Variants in PMPCA observed in about 807,000 individuals in gnomAD.
PMPCA encodes the protein mitochondrial-processing peptidase subunit alpha.
PMPCA carries 47 observed loss-of-function variants against 59.3 expected under a neutral mutation model. The observed-to-expected ratio is 0.79, with a 90% CI of 0.63 to 1.01. The LOEUF (loss-of-function observed/expected upper bound fraction) is 1.01. PMPCA is among the 50% of genes least tolerant of loss of function. PMPCA has a pLI of 0.00. For missense variants in PMPCA, 726 were observed against 704.5 expected (o/e 1.03, Z -0.34); for synonymous variants, 338 against 290.3 (o/e 1.16, Z -1.67).
chr9:136,415,351 T>C (rs1388087995), intron 5 of PMPCA, among the ~76,000 whole-genome samples: 2 of 152,212 alleles, frequency 1.3e-5, no homozygotes, highest in African/African-American at 4.8e-5. Flanking sequence ...TTAGCGAAAT[T>C]GGTTCTTTGA....
intron 4 of PMPCA, among the ~76,000 whole-genome samples, chr9:136,413,120 CA>C (rs1206277963): frequency 6.6e-6 from 1 of 152,212 alleles, no homozygotes; most frequent in Non-Finnish European, 1.5e-5. Context: ...GGCTGCATGC[CA>C]GGGATGTAGA....
At chr9:136,418,365 C>T (rs1006952617) in intron 8 of PMPCA, among the ~76,000 whole-genome samples, 190 bp from the exon 9 acceptor site, 7 of 150,488 alleles carry the variant, frequency 4.7e-5, no homozygotes, top group Non-Finnish European at 7.5e-5. Flanking sequence ...GCCCTTTGTC[C>T]CTGGCATCCG....
At chr9:136,418,773 CATG>C in intron 9 of PMPCA, 52 bp from the exon 10 acceptor site, 1 of 1,526,906 alleles carries the variant, frequency 6.5e-7, no homozygotes, top group Non-Finnish European at 9.1e-7. Context: ...TCCAGTTTCC[CATG>C]GCCTGATCCT....
chr9:136,422,077 CCAT>C, intron 12 of PMPCA, 101 bp downstream of exon 12: 1 of 1,547,216 alleles, frequency 6.5e-7, no homozygotes, highest in Non-Finnish European at 8.7e-7. Context: ...TGTGGTATGT[CCAT>C]CACACCCAGA....
intron 6 of PMPCA, 47 bp from the exon 7 acceptor site, chr9:136,416,904 G>A (rs1291000015): frequency 6.4e-7 from 1 of 1,555,744 alleles, no homozygotes; most frequent in Admixed American, 1.8e-5. Context: ...GAGGAAGCCT[G>A]GTCATGCTGT....
At position 136,418,589 on chromosome 9, in the gene PMPCA, T is replaced by C. The variant is rs775076934; in HGVS notation, c.1025T>C (p.Met342Thr). The C allele has an allele frequency of 1.1e-5, 18 of 1,613,750 alleles. No individual in the cohort carries two copies. In the South Asian group the frequency reaches 1.3e-4, roughly 12 times the overall value. Residue 342 changes from methionine (M) to threonine (T), a missense_variant, in exon 9 of 13, where the codon ATG becomes ACG. Physicochemically the swap from Met to Thr is moderately conservative, Grantham distance 81. Coordinates refer to ENST00000371717, the MANE Select transcript of PMPCA (RefSeq NM_015160.3). ...EDFIPFAVLN[M>T]MMGGGGSFSA... Reference sequence around the variant, plus strand: ...TTCATCCCCTTTGCAGTGTTGAACATGATGATGGGCGGAGGTGGCTCCTTC... The same window carrying C: ...TTCATCCCCTTTGCAGTGTTGAACACGATGATGGGCGGAGGTGGCTCCTTC...
chr9:136,421,555 G>A (rs949220980), intron 11 of PMPCA, among the ~76,000 whole-genome samples: 15 of 151,972 alleles, frequency 9.9e-5, no homozygotes, highest in African/African-American at 3.4e-4. Flanking sequence ...GACTACAGGC[G>A]CCCGCCACCA....
rs771549019 is a variant in PMPCA at position 136,416,959 on chromosome 9, C to G, written c.642C>G (p.Tyr214Ter). ...TGGCTCTTCCCCATTAGGCGGCTTA[C>G]AGGGAGAACACAGTTGGCCTCCACC... ...LLTEMIHEAA[Y>*]RENTVGLHRF... is the part of the protein sequence containing the mutation. Residue 214 changes from tyrosine (Y) to a stop codon, truncating the protein, a stop_gained, in exon 7 of 13, where the codon TAC (tyrosine) becomes TAG (stop). Transcript: ENST00000371717. LOFTEE classifies it high-confidence loss of function. 6.2e-7 allele frequency: 1 copy of G among 1,609,704 alleles called. No individual in the cohort carries two copies. The highest frequency in any genetic ancestry group is 2.2e-5 in the East Asian group (1 of 44,858).
At position 136,423,451 on chromosome 9, in the gene PMPCA, C is replaced by T. The variant is rs141370805; in HGVS notation, c.*187C>T. On this transcript the variant is annotated 3_prime_UTR_variant, in exon 13 of 13. Coordinates refer to ENST00000371717, the MANE Select transcript of PMPCA (RefSeq NM_015160.3). ...ATGTGCCGATCAGTGGAGTCAGTATCGAGCCTGACCACCGCAAGCCAGGAA... is the reference window on the plus strand; with the variant it reads ...ATGTGCCGATCAGTGGAGTCAGTATTGAGCCTGACCACCGCAAGCCAGGAA... 522 of 616,458 alleles carry T rather than the reference C, an allele frequency of 8.5e-4. 2 individuals carry two copies. Among genetic ancestry groups the T allele is most frequent in the African/African-American group, 8.4e-3 (456 of 54,242 alleles). 38.2% of individuals were successfully genotyped at this position (616,458 alleles called of 1,614,324 possible). A position where few individuals can be genotyped will look rare whatever the true frequency, so the allele number is the denominator to read the frequency against.
chr9:136,423,259 C>T lies in PMPCA; in HGVS notation c.1573C>T (p.Arg525Trp), dbSNP rs778968155. The T allele has an allele frequency of 2.6e-5, 42 of 1,610,810 alleles. No homozygotes were observed. The highest frequency in any genetic ancestry group is 4.5e-5 in the East Asian group (2 of 44,858). The change falls in exon 13 of 13, where the codon CGG (arginine) becomes TGG (tryptophan). Residue 525 changes from arginine (R) to tryptophan (W), a missense_variant. By Grantham distance (101) the Arg-to-Trp change is moderately radical. Transcript: ENST00000371717. ...CCTGCCCAGGACGTACCGGCTCTTC[C>T]GGTAGAACCGCTCCCCGGCCTGACA... ...GRLPRTYRLF[R>W] is the part of the protein sequence containing the mutation.
intron 7 of PMPCA, among the ~76,000 whole-genome samples, chr9:136,417,591 A>G (rs960439053): frequency 2.6e-5 from 4 of 151,562 alleles, no homozygotes; most frequent in Admixed American, 2.0e-4. Flanking sequence ...TTCTGCCTCA[A>G]CTTCCCGAGT....
chr9:136,413,039 G>A (rs556609463), intron 4 of PMPCA, 147 bp downstream of exon 4: 1 of 643,938 alleles, frequency 1.6e-6, no homozygotes, highest in African/African-American at 1.8e-5. Flanking sequence ...AGACTTGGGT[G>A]GATGGCGCTT....
At chr9:136,423,042 C>T in intron 12 of PMPCA, 53 bp from the exon 13 acceptor site, 1 of 1,548,018 alleles carries the variant, frequency 6.5e-7, no homozygotes, top group Non-Finnish European at 8.7e-7. Context: ...GATGCAGCCT[C>T]AGCGTGGGGG....
chr9:136,419,163 C>T (rs1264509982), intron 11 of PMPCA, 57 bp downstream of exon 11: 2 of 1,481,700 alleles, frequency 1.3e-6, no homozygotes, highest in Non-Finnish European at 1.9e-6. Flanking sequence ...CAGGAGACAG[C>T]CACGTTGTAG....
At chr9:136,421,404 GTTT>G (rs57128281) in intron 11 of PMPCA, among the ~76,000 whole-genome samples, 2 of 118,008 alleles carry the variant, frequency 1.7e-5, no homozygotes, top group Non-Finnish European at 3.5e-5. Flanking sequence ...CTGGGTTCCC[GTTT>G]TTTTTTTTTT....
At position 136,418,890 on chromosome 9, in the gene PMPCA, G is replaced by A; in HGVS notation, c.1172G>A (p.Cys391Tyr). The part of the protein sequence containing the change: ...HHSYEDTGLL[C>Y]IHASADPRQV... ...AGCTACGAGGACACTGGCCTCCTTT[G>A]CATCCATGCCAGCGCCGACCCAAGA... Residue 391 changes from cysteine to tyrosine, a missense_variant, in exon 10 of 13, where the codon TGC (cysteine) becomes TAC (tyrosine). Physicochemically the swap from Cys to Tyr is radical, Grantham distance 194. Transcript: ENST00000371717. 4 of 1,613,726 alleles carry A rather than the reference G, an allele frequency of 2.5e-6. No homozygotes were observed. The highest frequency in any genetic ancestry group is 3.4e-6 in the Non-Finnish European group (4 of 1,179,978).
chr9:136,419,378 C>T, intron 11 of PMPCA: 1 of 553,564 alleles, frequency 1.8e-6, no homozygotes, highest in Non-Finnish European at 3.3e-6. Flanking sequence ...CTACTTCTTT[C>T]TCTGAGCCAC....
At chr9:136,422,853 T>G in intron 12 of PMPCA, 2 of 1,324,332 alleles carry the variant, frequency 1.5e-6, no homozygotes, top group Non-Finnish European at 1.9e-6. Context: ...TCTTCTTGGG[T>G]GGCTTTGTCC....
chr9:136,418,493 G>A (rs1019328709), intron 8 of PMPCA, 62 bp from the exon 9 acceptor site: 28 of 1,045,472 alleles, frequency 2.7e-5, no homozygotes, highest in Admixed American at 1.1e-4. Flanking sequence ...CGTCCCTGGC[G>A]TCTGACGGTG....
Sources: allele counts gnomAD v4.1 joint callset (sites outside exome capture counted in the v4.1 genomes callset), GRCh38; gene constraint gnomAD v4.1.1; transcripts MANE v1.5; gene names NCBI Gene and HGNC (gene_info 2026-07-23, HGNC 2026-07-21).